The following ANKRD26 variants were observed in gnomAD, a reference collection of about 807,000 sequenced individuals.
ANKRD26 encodes ankyrin repeat domain-containing protein 26.
A neutral mutation model predicts 208.7 loss-of-function variants in ANKRD26; 141 were observed. The observed-to-expected ratio is 0.68, with a 90% confidence interval of 0.59 to 0.78. ANKRD26 has a LOEUF of 0.78. Ranked by LOEUF, ANKRD26 falls within the 30% of genes least tolerant of loss-of-function variation. The pLI, the probability that ANKRD26 is intolerant of heterozygous loss-of-function variation, is 0.00. For synonymous variants in ANKRD26, 636 were observed against 660.4 expected (o/e 0.96, Z 0.57); for missense variants, 1,889 against 1,938.7 (o/e 0.97, Z 0.48).
At chr10:26,962,704 T>C in the ANKRD26 span, among the ~76,000 whole-genome samples, 1 of 152,062 alleles carries the variant, frequency 6.6e-6, no homozygotes, top group Admixed American at 6.6e-5. Flanking sequence ...GCTGTGATCA[T>C]GCCACTGCAC....
Position 27,094,501 on chromosome 10 carries a change from C to T in ANKRD26, c.243-702G>A, listed in dbSNP as rs140387180. On this transcript the variant is annotated intron_variant, in intron 1 of 33. Transcript: ENST00000376087. ...TTAGTAAGTGCCTCAGTTTCCTCAT[C>T]AATAAAATGGGGATCAAAATAGTAG... 4.5e-4 allele frequency among the ~76,000 whole-genome samples: 69 copies of T among 152,256 alleles called. No individual in the cohort carries two copies. The East Asian group carries it at 0.01, about 23-fold the overall frequency.
intron 25 of ANKRD26, among the ~76,000 whole-genome samples, chr10:27,032,164 A>T (rs574597763): frequency 1.1e-3 from 168 of 152,336 alleles, no homozygotes; most frequent in African/African-American, 3.8e-3. Flanking sequence ...TATTATTTTT[A>T]AAAATGTGCA....
rs11015455 is a variant in ANKRD26, at chr10:27,024,315, C to A, written c.4085+132G>T. On this transcript the variant is annotated intron_variant, in intron 28 of 33. Coordinates refer to ENST00000376087, the MANE Select transcript of ANKRD26 (RefSeq NM_014915.3). Reference sequence around the variant, plus strand: ...AGATTGTGCTGCAACTTTCTAAAACCATTTTAAAAGAGAATAATTTCATTA... The same window carrying A: ...AGATTGTGCTGCAACTTTCTAAAACAATTTTAAAAGAGAATAATTTCATTA... The A allele has an allele frequency of 0.2, 114,266 of 565,162 alleles. 15,476 individuals carry two copies. The highest frequency in any genetic ancestry group is 0.58 in the East Asian group (18,935 of 32,714). The allele number at this position is 565,162 out of a possible 1,614,324, so 35.0% of individuals were successfully genotyped here.
chr10:26,965,054 G>C, the ANKRD26 span, among the ~76,000 whole-genome samples: 2 of 152,038 alleles, frequency 1.3e-5, no homozygotes, highest in Non-Finnish European at 2.9e-5. Flanking sequence ...TTGGGTCAGG[G>C]ACAAGGTAAT....
chr10:26,961,759 C>G, the ANKRD26 span, among the ~76,000 whole-genome samples: 1 of 152,094 alleles, frequency 6.6e-6, no homozygotes, highest in African/African-American at 2.4e-5. Context: ...ATTAGTTACT[C>G]CATGCAAAAT....
intron 27 of ANKRD26, 26 bp downstream of exon 27, chr10:27,028,826 C>A: frequency 1.3e-6 from 2 of 1,567,690 alleles, no homozygotes; most frequent in Non-Finnish European, 1.8e-6. Context: ...CTTTTCAGTA[C>A]GACAGAAATT....
intron 9 of ANKRD26, among the ~76,000 whole-genome samples, chr10:27,070,705 G>A (rs192326987): frequency 3.1e-4 from 47 of 149,982 alleles, no homozygotes; most frequent in African/African-American, 9.1e-4. Flanking sequence ...TCGCCCTGTC[G>A]CCCAGAATGG....
chr10:26,999,807 C>CA (rs68192322), downstream of ANKRD26, among the ~76,000 whole-genome samples: 7,722 of 74,510 alleles, frequency 0.1, 353 homozygotes, highest in African/African-American at 0.16. Flanking sequence ...CAAAACCAAC[C>CA]AAAAAAAAAA....
intron 5 of ANKRD26, among the ~76,000 whole-genome samples, chr10:27,084,800 C>T (rs1016935272): frequency 3.4e-5 from 5 of 148,258 alleles, no homozygotes; most frequent in Non-Finnish European, 7.4e-5. Flanking sequence ...ACCCAGGAGG[C>T]GGATGTTGCA....
downstream of ANKRD26, among the ~76,000 whole-genome samples, chr10:26,986,999 T>C (rs1259596584): frequency 6.6e-6 from 1 of 152,208 alleles, no homozygotes; most frequent in African/African-American, 2.4e-5. Flanking sequence ...ACTGCAGCAC[T>C]ATTCACAATA....
At chr10:27,010,045 G>A (rs1199189171) in intron 32 of ANKRD26, among the ~76,000 whole-genome samples, 1 of 152,192 alleles carries the variant, frequency 6.6e-6, no homozygotes, top group Admixed American at 6.5e-5. Flanking sequence ...GGATAAGGAA[G>A]TCACAGCTTC....
chr10:27,056,129 G>T (rs2135407695), intron 15 of ANKRD26, among the ~76,000 whole-genome samples: 1 of 152,242 alleles, frequency 6.6e-6, no homozygotes, highest in African/African-American at 2.4e-5. Context: ...CCGGTTGTAG[G>T]TTACATAAGG....
chr10:26,970,012 T>TTAGTAGAGACAA (rs58939050), downstream of ANKRD26, among the ~76,000 whole-genome samples: 2 of 151,482 alleles, frequency 1.3e-5, no homozygotes, highest in East Asian at 3.9e-4. Flanking sequence ...TTTTGTATTT[T>TTAGTAGAGACAA]AGTTTTGTCA....
chr10:26,973,035 A>T (rs2052173624), downstream of ANKRD26, among the ~76,000 whole-genome samples: 3 of 152,038 alleles, frequency 2.0e-5, no homozygotes, highest in South Asian at 4.2e-4. Context: ...CATTTTTTTT[A>T]AATGTTGCCT....
chr10:27,011,915 CT>C (rs1182976186), intron 32 of ANKRD26, among the ~76,000 whole-genome samples: 3 of 152,200 alleles, frequency 2.0e-5, no homozygotes, highest in Admixed American at 6.5e-5. Flanking sequence ...TTAAAAACCA[CT>C]GTGCAATTGC....
chr10:26,969,508 T>C (rs888632350), downstream of ANKRD26, among the ~76,000 whole-genome samples: 46 of 152,196 alleles, frequency 3.0e-4, 1 homozygote, highest in African/African-American at 1.1e-3. Context: ...AAGACTCCTG[T>C]CCTGGAACCA....
chr10:26,951,440 A>C, the ANKRD26 span, among the ~76,000 whole-genome samples: 3 of 152,110 alleles, frequency 2.0e-5, no homozygotes, highest in Non-Finnish European at 4.4e-5. Context: ...AAATATTTAC[A>C]ATTTTCCTTA....
chr10:27,061,580 TAC>T, intron 12 of ANKRD26, among the ~76,000 whole-genome samples: 1 of 127,370 alleles, frequency 7.9e-6, no homozygotes, highest in Admixed American at 8.1e-5. Flanking sequence ...TTTTTTTTGA[TAC>T]AGAGTCTCAC....
At chr10:27,042,578 C>G (rs775138014) in intron 20 of ANKRD26, among the ~76,000 whole-genome samples, 4 of 151,978 alleles carry the variant, frequency 2.6e-5, no homozygotes, top group Non-Finnish European at 5.9e-5. Context: ...ACGGTGAAAC[C>G]CTGTCTCTAC....
Sources: allele counts gnomAD v4.1 joint callset (sites outside exome capture counted in the v4.1 genomes callset), GRCh38; gene constraint gnomAD v4.1.1; transcripts MANE v1.5; gene names NCBI Gene and HGNC (gene_info 2026-07-23, HGNC 2026-07-21).